The following WDPCP variants were observed in gnomAD, a reference collection of about 807,000 sequenced individuals.
WDPCP encodes WD repeat-containing and planar cell polarity effector protein fritz homolog.
In WDPCP, 71 loss-of-function variants were observed where a neutral mutation model predicts 93.1. That is an observed-to-expected ratio of 0.76 (90% CI 0.63 to 0.93). WDPCP has a LOEUF of 0.93. WDPCP is among the 40% of genes least tolerant of loss of function. WDPCP has a pLI of 0.00. For missense variants in WDPCP, 844 were observed against 887.4 expected (o/e 0.95, Z 0.62); for synonymous variants, 315 against 315.0 (o/e 1.00, Z 0.00).
chr2:63,473,374 T>C (rs1699796032), intron 6 of WDPCP, among the ~76,000 whole-genome samples: 1 of 152,188 alleles, frequency 6.6e-6, no homozygotes, highest in Non-Finnish European at 1.5e-5. Context: ...TACTTTTTAA[T>C]GTGCTTAGTG....
chr2:63,276,469 A>G (rs887211728), intron 13 of WDPCP, among the ~76,000 whole-genome samples: 1 of 152,188 alleles, frequency 6.6e-6, no homozygotes, highest in Non-Finnish European at 1.5e-5. Flanking sequence ...TTAAAGAAAT[A>G]AAAAACATGA....
Position 63,404,404 on chromosome 2 carries a change from G to T in WDPCP, c.1079C>A (p.Ser360Ter), listed in dbSNP as rs141011629. 1 of 1,614,158 alleles carries T rather than the reference G, an allele frequency of 6.2e-7. No individual in the cohort carries two copies. The change falls in exon 10 of 18, where the codon TCG (serine) becomes TAG (stop). Residue 360 changes from serine to a stop codon, truncating the protein, a stop_gained. Transcript: ENST00000272321. LOFTEE classifies it high-confidence loss of function. The stretch of plus-strand genomic sequence containing the variant: ...ACGGTGAGTTTCATAAAGAATTAGC[G>T]AAGAATCTTCACAGCCCAGAATCAG... ...DKLILGCEDS[S>*]LILYETHRRV...
At chr2:63,327,917 C>G in intron 12 of WDPCP, among the ~76,000 whole-genome samples, 1 of 152,210 alleles carries the variant, frequency 6.6e-6, no homozygotes, top group East Asian at 1.9e-4. Context: ...GGCCCTTCCA[C>G]TGGCCTAAAG....
At chr2:63,655,292 C>T (rs1381880392) in intron 2 of WDPCP, among the ~76,000 whole-genome samples, 1 of 152,090 alleles carries the variant, frequency 6.6e-6, no homozygotes, top group Non-Finnish European at 1.5e-5. Context: ...CGTATTACCC[C>T]CTTCCCTTTC....
intron 2 of WDPCP, among the ~76,000 whole-genome samples, chr2:63,660,153 AT>A (rs1224059297): frequency 6.6e-6 from 1 of 152,020 alleles, no homozygotes; most frequent in African/African-American, 2.4e-5. Context: ...TTTGGAGTTG[AT>A]TTGTTTACTT....
intron 2 of WDPCP, among the ~76,000 whole-genome samples, chr2:63,807,475 A>G (rs1670785629): frequency 6.6e-6 from 1 of 152,250 alleles, no homozygotes; most frequent in African/African-American, 2.4e-5. Flanking sequence ...TACCAGAAGC[A>G]GATACTGGCA....
intron 1 of WDPCP, among the ~76,000 whole-genome samples, chr2:63,569,522 A>G (rs1015702279): frequency 6.6e-6 from 1 of 152,228 alleles, no homozygotes; most frequent in Non-Finnish European, 1.5e-5. Flanking sequence ...CAAGGAAGCA[A>G]TGTCATTCAA....
chr2:63,770,538 C>A (rs1278419827), intron 2 of WDPCP, among the ~76,000 whole-genome samples: 2 of 151,770 alleles, frequency 1.3e-5, no homozygotes, highest in East Asian at 3.9e-4. Context: ...ACTTAACAAG[C>A]TATAATGAAA....
chr2:63,191,208 C>T (rs923452382), intron 14 of WDPCP, among the ~76,000 whole-genome samples: 12 of 152,000 alleles, frequency 7.9e-5, no homozygotes, highest in Middle Eastern at 3.2e-3. Flanking sequence ...CTGGATAACA[C>T]GGTGAAACCC....
chr2:63,563,499 T>C (rs557278896), intron 1 of WDPCP, among the ~76,000 whole-genome samples: 25 of 151,878 alleles, frequency 1.6e-4, no homozygotes, highest in Non-Finnish European at 3.4e-4. Flanking sequence ...AATGTGTAGA[T>C]GGGGCAAATC....
At chr2:63,393,943 A>G (rs1368114146) in intron 10 of WDPCP, among the ~76,000 whole-genome samples, 1 of 152,184 alleles carries the variant, frequency 6.6e-6, no homozygotes, top group Non-Finnish European at 1.5e-5. Flanking sequence ...AAAGACTTAA[A>G]TGTAAAACCT....
chr2:63,529,991 G>A (rs1293949984), intron 1 of WDPCP, among the ~76,000 whole-genome samples: 1 of 152,142 alleles, frequency 6.6e-6, no homozygotes, highest in African/African-American at 2.4e-5. Context: ...TTGTGTAGAG[G>A]TGTTTATAGT....
intron 1 of WDPCP, among the ~76,000 whole-genome samples, chr2:63,502,202 A>G (rs1239828272): frequency 1.3e-5 from 2 of 152,186 alleles, no homozygotes; most frequent in African/African-American, 4.8e-5. Context: ...TGAACACCAC[A>G]TCATGGATAC....
intron 9 of WDPCP, among the ~76,000 whole-genome samples, chr2:63,419,105 T>C (rs1399444964): frequency 1.3e-5 from 2 of 152,208 alleles, no homozygotes; most frequent in Non-Finnish European, 2.9e-5. Flanking sequence ...ATTTCAAAGA[T>C]GAACAAGGTA....
Position 63,645,534 on chromosome 2 carries a change from C to A in WDPCP, n.488+5125G>T, listed in dbSNP as rs72885380. Reference sequence around the variant, plus strand: ...TATTTGGTCCATTTGGTTTATAGTGCAGATTAAGTCTGGTGTAATTTATTT... The same window carrying A: ...TATTTGGTCCATTTGGTTTATAGTGAAGATTAAGTCTGGTGTAATTTATTT... On this transcript the variant is annotated intron_variant and non_coding_transcript_variant, in intron 3 of 4. Coordinates refer to the WDPCP transcript ENST00000467687. Among the ~76,000 whole-genome samples, 686 of 152,262 alleles carry A rather than the reference C, an allele frequency of 4.5e-3. 6 individuals carry two copies. The highest frequency in any genetic ancestry group is 0.016 in the African/African-American group (657 of 41,552).
intron 2 of WDPCP, among the ~76,000 whole-genome samples, chr2:63,681,979 G>A (rs1270301056): frequency 6.8e-6 from 1 of 147,828 alleles, no homozygotes; most frequent in Non-Finnish European, 1.5e-5. Flanking sequence ...CAGTGTCACT[G>A]GGTTTGGGGG....
intron 2 of WDPCP, among the ~76,000 whole-genome samples, chr2:63,722,502 C>G (rs1445696269): frequency 1.4e-5 from 2 of 146,616 alleles, no homozygotes; most frequent in African/African-American, 5.0e-5. Flanking sequence ...GCAGCCGCCC[C>G]GTCTGGGAAG....
At chr2:63,767,553 T>C (rs1161193176) in intron 2 of WDPCP, among the ~76,000 whole-genome samples, 1 of 152,166 alleles carries the variant, frequency 6.6e-6, no homozygotes, top group African/African-American at 2.4e-5. Flanking sequence ...GGTATAGGTA[T>C]ATCATTGTGG....
chr2:63,763,299 T>A (rs1575767257), intron 2 of WDPCP, among the ~76,000 whole-genome samples: 2 of 151,022 alleles, frequency 1.3e-5, no homozygotes, highest in African/African-American at 4.9e-5. Flanking sequence ...AGGCTAGGAG[T>A]TTGAGACCAG....
Sources: allele counts gnomAD v4.1 joint callset (sites outside exome capture counted in the v4.1 genomes callset), GRCh38; gene constraint gnomAD v4.1.1; transcripts MANE v1.5; gene names NCBI Gene and HGNC (gene_info 2026-07-23, HGNC 2026-07-21).